MACROD2: variants seen among roughly 807,000 people sequenced by gnomAD.
The protein encoded by MACROD2 is ADP-ribose glycohydrolase MACROD2.
A neutral mutation model predicts 70.4 loss-of-function variants in MACROD2; 36 were observed. That is an observed-to-expected ratio of 0.51 (90% CI 0.39 to 0.68). The LOEUF (loss-of-function observed/expected upper bound fraction) is 0.68, where lower values mean the gene tolerates loss of function less well. Among genes scored for constraint, MACROD2 ranks in the 30% least tolerant of loss-of-function variants. MACROD2 has a pLI of 0.00. For synonymous variants in MACROD2, 172 were observed against 178.8 expected, an observed-to-expected ratio of 0.96 and a Z score of 0.30; for missense variants, 496 against 538.4, an observed-to-expected ratio of 0.92 and a Z score of 0.78.
intron 5 of MACROD2, among the ~76,000 whole-genome samples, chr20:15,103,875 C>T (rs553354537): frequency 6.6e-6 from 1 of 152,084 alleles, no homozygotes; most frequent in South Asian, 2.1e-4. Flanking sequence ...TGTGCTAGTG[C>T]AGGAATGAGG....
intron 6 of MACROD2, among the ~76,000 whole-genome samples, chr20:15,290,724 C>T (rs16995508): frequency 0.031 from 4,794 of 152,274 alleles, 114 homozygotes; most frequent in Non-Finnish European, 0.043. Context: ...ATCTCTTCTA[C>T]GCAGTTGTCA....
At chr20:14,181,398 C>T (rs1305781531) in intron 3 of MACROD2, among the ~76,000 whole-genome samples, 3 of 151,836 alleles carry the variant, frequency 2.0e-5, no homozygotes, top group African/African-American at 7.3e-5. Flanking sequence ...ATTATCCTCA[C>T]AATAGAGTGA....
intron 8 of MACROD2, among the ~76,000 whole-genome samples, chr20:15,793,085 CTG>C (rs1484607562): frequency 6.6e-6 from 1 of 151,980 alleles, no homozygotes; most frequent in African/African-American, 2.4e-5. Context: ...GTGACGATCA[CTG>C]TGTATAATGT....
At chr20:14,237,590 G>A (rs994462267) in intron 3 of MACROD2, among the ~76,000 whole-genome samples, 1 of 151,424 alleles carries the variant, frequency 6.6e-6, no homozygotes, top group African/African-American at 2.4e-5. Flanking sequence ...TGTGCACAGT[G>A]TGCAGGTTAG....
At position 14,417,046 on chromosome 20, in the gene MACROD2, TTATCTATCTATCTATCTATCATCTATC is replaced by T. The variant is rs200392112; in HGVS notation, c.272-76412_272-76386del. 4.7e-3 allele frequency among the ~76,000 whole-genome samples: 624 copies of T among 131,878 alleles called. 3 individuals carry two copies. The highest frequency in any genetic ancestry group is 9.7e-3 in the East Asian group (35 of 3,626). The allele number at this position is 131,878 out of a possible 152,430, so 86.5% of individuals were successfully genotyped here. A position where few individuals can be genotyped will look rare whatever the true frequency, so the allele number is the denominator to read the frequency against. ...CGCTATCTATCTATATATCTATCTA[TTATCTATCTATCTATCTATCATCTATC>T]TATCTATCTATCTATCTATCTATCT... On this transcript the variant is annotated intron_variant, in intron 3 of 17. Transcript: ENST00000684519.
intron 3 of MACROD2, among the ~76,000 whole-genome samples, chr20:14,364,534 T>C (rs2083254643): frequency 6.6e-6 from 1 of 152,216 alleles, no homozygotes; most frequent in Non-Finnish European, 1.5e-5. Flanking sequence ...CCACCGCCTC[T>C]ATTTCCAAAA....
At chr20:14,433,736 T>C (rs2084023080) in intron 3 of MACROD2, among the ~76,000 whole-genome samples, 1 of 152,170 alleles carries the variant, frequency 6.6e-6, no homozygotes, top group African/African-American at 2.4e-5. Context: ...ACCAAGACAG[T>C]TTTTTTAATA....
At chr20:14,911,552 C>CT (rs910021734) in intron 5 of MACROD2, among the ~76,000 whole-genome samples, 8 of 151,138 alleles carry the variant, frequency 5.3e-5, no homozygotes, top group Non-Finnish European at 8.9e-5. Flanking sequence ...AACTTTTAAA[C>CT]TTTTTTTTTA....
chr20:15,421,994 G>A (rs923169173), intron 6 of MACROD2, among the ~76,000 whole-genome samples: 1 of 152,228 alleles, frequency 6.6e-6, no homozygotes, highest in African/African-American at 2.4e-5. Flanking sequence ...TTGGGAAATG[G>A]AGTATGCCAG....
chr20:14,655,422 C>T (rs1318819112), intron 4 of MACROD2, among the ~76,000 whole-genome samples: 1 of 150,316 alleles, frequency 6.7e-6, no homozygotes, highest in African/African-American at 2.5e-5. Context: ...CATTTGTTAA[C>T]AGTTATCTGT....
At chr20:14,641,880 C>T (rs959847107) in intron 4 of MACROD2, among the ~76,000 whole-genome samples, 13 of 152,112 alleles carry the variant, frequency 8.5e-5, no homozygotes, top group East Asian at 1.9e-4. Flanking sequence ...GCTCAGTGGG[C>T]ACTGGCTTCA....
chr20:14,047,454 C>CA (rs11479438), intron 2 of MACROD2, among the ~76,000 whole-genome samples: 25,614 of 99,002 alleles, frequency 0.26, 3,099 homozygotes, highest in Non-Finnish European at 0.28. Context: ...GACTCCGTCT[C>CA]AAAAAAAAAA....
intron 3 of MACROD2, among the ~76,000 whole-genome samples, chr20:14,254,448 T>G (rs1214423789): frequency 1.3e-5 from 2 of 152,124 alleles, no homozygotes; most frequent in African/African-American, 4.8e-5. Context: ...AAGATACAAA[T>G]AGGGCCTAGT....
chr20:15,055,568 C>G (rs1278189034), intron 5 of MACROD2, among the ~76,000 whole-genome samples: 2 of 152,080 alleles, frequency 1.3e-5, no homozygotes, highest in African/African-American at 2.4e-5. Context: ...AGAACAAATA[C>G]ATGACAGGAA....
At chr20:14,454,036 G>A (rs889702698) in intron 3 of MACROD2, among the ~76,000 whole-genome samples, 4 of 151,768 alleles carry the variant, frequency 2.6e-5, no homozygotes, top group African/African-American at 7.3e-5. Flanking sequence ...ATTCTTATTA[G>A]CAATGTATGA....
chr20:14,545,489 A>AT (rs2085482222), intron 4 of MACROD2, among the ~76,000 whole-genome samples: 1 of 152,154 alleles, frequency 6.6e-6, no homozygotes, highest in South Asian at 2.1e-4. Context: ...GTTTGAGGAG[A>AT]TTTTTTACCA....
intron 3 of MACROD2, among the ~76,000 whole-genome samples, chr20:14,098,462 A>G (rs908819861): frequency 1.3e-5 from 2 of 152,180 alleles, no homozygotes; most frequent in Non-Finnish European, 2.9e-5. Flanking sequence ...ACTTGTGTCA[A>G]AAATTGAGAT....
chr20:15,473,621 T>C (rs932183808), intron 7 of MACROD2, among the ~76,000 whole-genome samples: 3 of 152,180 alleles, frequency 2.0e-5, no homozygotes, highest in African/African-American at 7.2e-5. Context: ...TTAAATTTAC[T>C]GTTTCCTAAG....
At chr20:14,211,566 G>A (rs2081570977) in intron 3 of MACROD2, among the ~76,000 whole-genome samples, 1 of 152,126 alleles carries the variant, frequency 6.6e-6, no homozygotes, top group South Asian at 2.1e-4. Flanking sequence ...TATGTGTCCA[G>A]GAGTCTGATA....
Sources: allele counts gnomAD v4.1 joint callset (sites outside exome capture counted in the v4.1 genomes callset), GRCh38; gene constraint gnomAD v4.1.1; transcripts MANE v1.5; gene names NCBI Gene and HGNC (gene_info 2026-07-23, HGNC 2026-07-21).